SHB: variants seen among roughly 807,000 people sequenced by gnomAD.
SHB encodes the protein SH2 domain containing adaptor protein B.
In SHB, 20 loss-of-function variants were observed where a neutral mutation model predicts 52.3. The ratio of observed to expected loss-of-function variants is 0.38; its 90% CI spans 0.27 to 0.56. The LOEUF (loss-of-function observed/expected upper bound fraction) is 0.56. SHB is among the 20% of genes least tolerant of loss of function. SHB has a pLI of 0.71. For synonymous variants in SHB, 397 were observed against 316.5 expected (o/e 1.25, Z -2.70); for missense variants, 825 against 723.3 (o/e 1.14, Z -1.61).
At chr9:37,951,898 C>G (rs190461129) in intron 4 of SHB, among the ~76,000 whole-genome samples, 1 of 152,292 alleles carries the variant, frequency 6.6e-6, no homozygotes, top group Non-Finnish European at 1.5e-5. Context: ...GCTGGGCGGT[C>G]CTGTGGGGGG....
chr9:37,998,926 G>A (rs1820981232), intron 2 of SHB, among the ~76,000 whole-genome samples: 2 of 152,242 alleles, frequency 1.3e-5, no homozygotes, highest in African/African-American at 4.8e-5. Context: ...CTCTGTGCTA[G>A]GCTCTGGGGA....
chr9:37,953,151 C>T (rs553376157), intron 4 of SHB, among the ~76,000 whole-genome samples: 25 of 152,128 alleles, frequency 1.6e-4, no homozygotes, highest in African/African-American at 5.5e-4. Flanking sequence ...GTGGTGACTG[C>T]CACGGAGGAC....
chr9:37,969,853 G>A (rs1396687736), intron 3 of SHB, among the ~76,000 whole-genome samples: 1 of 152,264 alleles, frequency 6.6e-6, no homozygotes, highest in Non-Finnish European at 1.5e-5. Context: ...GGCAGGGGGT[G>A]CCACATAGGC....
At position 37,945,964 on chromosome 9, in the gene SHB, G is replaced by A. The variant is rs150192604; in HGVS notation, c.1346+2671C>T. ...GAATTCTGGACAATGGGTCCTTCCT[G>A]TGGCTCTTAAAAATGGACTTCAATC... On this transcript the variant is annotated intron_variant, in intron 5 of 5. Transcript: ENST00000377707. Among the ~76,000 whole-genome samples, 796 of 152,312 alleles carry A rather than the reference G, an allele frequency of 5.2e-3. 6 individuals carry two copies. Among genetic ancestry groups the A allele is most frequent in the African/African-American group, 0.019 (769 of 41,564 alleles).
At chr9:37,931,944 T>C (rs1832315408) in intron 5 of SHB, among the ~76,000 whole-genome samples, 1 of 152,110 alleles carries the variant, frequency 6.6e-6, no homozygotes. Flanking sequence ...GGAATAGGCC[T>C]GAAGGACATT....
chr9:37,936,002 A>C (rs1178153710), intron 5 of SHB, among the ~76,000 whole-genome samples: 7 of 151,514 alleles, frequency 4.6e-5, no homozygotes, highest in Non-Finnish European at 1.0e-4. Context: ...CAGGAGTTCG[A>C]GACCAGCCTG....
rs1002159621 is a variant in SHB at position 37,950,976 on chromosome 9, C to T, written c.1227-2222G>A. ...GCCTGTCTCAGAGTGTCCTGCAAAC[C>T]GTGCCTCTGAGAGTTCCGGCACTGA... On this transcript the variant is annotated intron_variant, in intron 4 of 5. Transcript: ENST00000377707. Among the ~76,000 whole-genome samples, 177 of 152,306 alleles carry T rather than the reference C, an allele frequency of 1.2e-3. 2 individuals are homozygous for T. Among genetic ancestry groups the T allele is most frequent in the East Asian group, 3.9e-4 (2 of 5,188 alleles).
rs1421560890 is a variant in SHB, at chr9:38,068,616, G to A, written c.30C>T (p.Ser10=). Reference sequence around the variant, plus strand: ...GGCTCTTGGTCTTGCTGTTGCCCAAGCTGAAGTACTTGTTTAGCCACTTGG... The same window carrying A: ...GGCTCTTGGTCTTGCTGTTGCCCAAACTGAAGTACTTGTTTAGCCACTTGG... MAKWLNKYF[S]LGNSKTKSPP... Residue 10 remains serine, a synonymous_variant, in exon 1 of 6, where the codon AGC becomes AGT. Transcript: ENST00000377707. 1.3e-6 allele frequency: 2 copies of A among 1,489,018 alleles called. No individual in the cohort carries two copies. Among genetic ancestry groups the A allele is most frequent in the African/African-American group, 2.9e-5 (2 of 68,332 alleles). The allele number at this position is 1,489,018 out of a possible 1,614,324, so 92.2% of individuals were successfully genotyped here.
In SHB at chr9:37,955,954, T is replaced by C. The variant is rs1218085222; in HGVS notation, c.1155A>G (p.Lys385=). Reference sequence around the variant, plus strand: ...TCCCGCAGAACTCAGGGCTCCCATGTTTGATAGGCTTAAAGCCCCCTCCAG... The same window carrying C: ...TCCCGCAGAACTCAGGGCTCCCATGCTTGATAGGCTTAAAGCCCCCTCCAG... ...RAPGGGFKPI[K]HGSPEFCGIL... The change falls in exon 4 of 6, where the codon AAA becomes AAG. Residue 385 remains lysine, a synonymous_variant. Transcript: ENST00000377707. The C allele has an allele frequency of 5.0e-6, 8 of 1,612,522 alleles. No homozygotes were observed. The highest frequency in any genetic ancestry group is 6.8e-6 in the Non-Finnish European group (8 of 1,179,602).
At chr9:37,940,994 C>T (rs1203536064) in intron 5 of SHB, among the ~76,000 whole-genome samples, 2 of 152,280 alleles carry the variant, frequency 1.3e-5, no homozygotes, top group Non-Finnish European at 1.5e-5. Context: ...CAAGGTCACA[C>T]CAAAGCACAA....
intron 5 of SHB, among the ~76,000 whole-genome samples, chr9:37,926,506 CAG>C (rs1266849400): frequency 6.6e-6 from 1 of 152,138 alleles, no homozygotes; most frequent in Non-Finnish European, 1.5e-5. Context: ...GGTGGGGAAA[CAG>C]AGTCAGAGGG....
Position 38,068,804 on chromosome 9 carries a change from G to A in SHB, c.-159C>T. On this transcript the variant is annotated 5_prime_UTR_variant, in exon 1 of 6. Coordinates refer to ENST00000377707, the MANE Select transcript of SHB (RefSeq NM_003028.3). ...CCAAGTTCAAGTTCTTGCCGCCGCC[G>A]CCTCCTGCCGGCAGCTCTCTGGCTC... The A allele has an allele frequency of 5.9e-6, 1 of 169,454 alleles. No homozygotes were observed. Among genetic ancestry groups the A allele is most frequent in the Non-Finnish European group, 1.2e-5 (1 of 82,176 alleles). The allele number at this position is 169,454 out of a possible 1,614,324, so 10.5% of individuals were successfully genotyped here.
At position 38,067,994 on chromosome 9, in the gene SHB, T is replaced by C; in HGVS notation, c.652A>G (p.Lys218Glu). Residue 218 changes from lysine (K) to glutamate (E), a missense_variant, in exon 1 of 6, where the codon AAG becomes GAG. Physicochemically the swap from Lys to Glu is moderately conservative, Grantham distance 56. Coordinates refer to ENST00000377707, the MANE Select transcript of SHB (RefSeq NM_003028.3). ...RTWSPTACGG[K>E]KLLNKCAASA... ...GCGGCGCACTTGTTGAGCAGTTTCT[T>C]GCCTCCGCAGGCCGTCGGGCTCCAG... 8 of 1,541,036 alleles carry C rather than the reference T, an allele frequency of 5.2e-6. No homozygotes were observed. The highest frequency in any genetic ancestry group is 6.9e-6 in the Non-Finnish European group (8 of 1,153,210).
Position 37,918,487 on chromosome 9 carries a change from CTGTGTG to C in SHB, c.*1328_*1333del, listed in dbSNP as rs35453970. 3.3e-3 allele frequency among the ~76,000 whole-genome samples: 149 copies of C among 45,512 alleles called. 1 individual carries two copies. Among genetic ancestry groups the C allele is most frequent in the African/African-American group, 0.014 (133 of 9,200 alleles). 29.9% of individuals were successfully genotyped at this position (45,512 alleles called of 152,430 possible). On this transcript the variant is annotated 3_prime_UTR_variant, in exon 6 of 6. Coordinates refer to ENST00000377707, the MANE Select transcript of SHB (RefSeq NM_003028.3). ...TGGAAGCAGTGTGGACCACTGAGGG[CTGTGTG>C]TGTGTGTGTGTGTGTGTGTGTAGGT...
chr9:38,067,907 A>G, intron 1 of SHB, 22 bp downstream of exon 1: 1 of 1,451,246 alleles, frequency 6.9e-7, no homozygotes, highest in Non-Finnish European at 9.0e-7. Context: ...GAACCTCGGG[A>G]AGAGGCCAAG....
chr9:38,053,779 C>A (rs1017468996), intron 1 of SHB, among the ~76,000 whole-genome samples: 1 of 152,176 alleles, frequency 6.6e-6, no homozygotes, highest in Non-Finnish European at 1.5e-5. Flanking sequence ...AGGCCCAAGA[C>A]ACACAGGCCA....
chr9:37,950,394 T>C (rs555131634), intron 4 of SHB, among the ~76,000 whole-genome samples: 6 of 152,276 alleles, frequency 3.9e-5, no homozygotes, highest in Non-Finnish European at 7.4e-5. Context: ...GCCTCCCAAG[T>C]AGTGGGCCTA....
At chr9:37,989,023 T>C (rs747617285) in intron 2 of SHB, among the ~76,000 whole-genome samples, 13 of 145,490 alleles carry the variant, frequency 8.9e-5, no homozygotes, top group Non-Finnish European at 1.8e-4. Flanking sequence ...CTTGGCAGTT[T>C]TCATAATCAC....
chr9:38,049,371 G>A (rs1821705328), intron 1 of SHB, among the ~76,000 whole-genome samples: 2 of 152,148 alleles, frequency 1.3e-5, no homozygotes, highest in South Asian at 4.1e-4. Flanking sequence ...CACTTTGGGA[G>A]GCTGAGGTGG....
Sources: gnomAD v4.1 joint callset for allele counts (sites outside exome capture counted in the v4.1 genomes callset) on GRCh38, gnomAD v4.1.1 for gene constraint, MANE v1.5 for transcripts, NCBI Gene and HGNC (gene_info 2026-07-23, HGNC 2026-07-21) for gene names.